Variants in LHFPL6 observed in about 807,000 individuals in gnomAD.
The protein encoded by LHFPL6 is LHFPL tetraspan subfamily member 6 protein.
Under a neutral mutation model 20.6 loss-of-function variants are expected in LHFPL6, and 9 were observed. The ratio of observed to expected loss-of-function variants is 0.44; its 90% CI spans 0.26 to 0.76. The LOEUF (loss-of-function observed/expected upper bound fraction) is 0.76, where lower values mean the gene tolerates loss of function less well. Ranked by LOEUF, LHFPL6 falls within the 30% of genes least tolerant of loss-of-function variation. LHFPL6 has a pLI of 0.20. For missense variants in LHFPL6, 218 were observed against 253.5 expected (o/e 0.86, Z 0.95); for synonymous variants, 105 against 98.7 (o/e 1.06, Z -0.38).
rs182362175 is a variant in LHFPL6, at chr13:39,546,650, G to A, written c.385+54182C>T. On this transcript the variant is annotated intron_variant, in intron 2 of 3. Transcript: ENST00000379589. ...TACAGCCAGAGACCCAGACACGAGAGCCAGCAATCAGGGTCACCCTTGACT... is the reference window on the plus strand; with the variant it reads ...TACAGCCAGAGACCCAGACACGAGAACCAGCAATCAGGGTCACCCTTGACT... Among the ~76,000 whole-genome samples, 375 of 152,202 alleles carry A rather than the reference G, an allele frequency of 2.5e-3. 1 individual carries two copies. The highest frequency in any genetic ancestry group is 3.4e-3 in the Non-Finnish European group (233 of 68,028).
chr13:39,562,541 C>CATATACAT (rs1871550913), intron 2 of LHFPL6, among the ~76,000 whole-genome samples: 1 of 128,162 alleles, frequency 7.8e-6, no homozygotes, highest in Non-Finnish European at 1.8e-5. Flanking sequence ...CATATATACA[C>CATATACAT]ATATACATAT....
intron 2 of LHFPL6, among the ~76,000 whole-genome samples, chr13:39,551,439 C>G (rs896309366): frequency 1.3e-5 from 2 of 151,408 alleles, no homozygotes; most frequent in Non-Finnish European, 2.9e-5. Context: ...GCCCCACCTC[C>G]CAACACTGTT....
chr13:39,575,813 A>G (rs1201258752), intron 2 of LHFPL6, among the ~76,000 whole-genome samples: 1 of 152,192 alleles, frequency 6.6e-6, no homozygotes, highest in Non-Finnish European at 1.5e-5. Flanking sequence ...ACCACAGGAC[A>G]GCCCTGGTGC....
chr13:39,369,073 CTT>C (rs557427745), intron 3 of LHFPL6, among the ~76,000 whole-genome samples: 1 of 136,314 alleles, frequency 7.3e-6, no homozygotes. Context: ...TCAGGTACGT[CTT>C]TTTTTTTTTA....
At chr13:39,418,401 T>TTTTTTTC (rs199555981) in intron 2 of LHFPL6, among the ~76,000 whole-genome samples, 1 of 145,358 alleles carries the variant, frequency 6.9e-6, no homozygotes, top group African/African-American at 2.6e-5. Context: ...TTTTTTTTTT[T>TTTTTTTC]CCAGAATGCC....
chr13:39,415,181 A>G (rs780869444), intron 2 of LHFPL6, among the ~76,000 whole-genome samples: 5 of 152,220 alleles, frequency 3.3e-5, no homozygotes, highest in Non-Finnish European at 7.3e-5. Context: ...GAAAAATACC[A>G]TGACTGAGCT....
intron 3 of LHFPL6, among the ~76,000 whole-genome samples, chr13:39,348,267 G>A (rs899665825): frequency 4.6e-5 from 7 of 151,974 alleles, no homozygotes; most frequent in East Asian, 1.9e-4. Flanking sequence ...GCTTCTGTTC[G>A]TGCTTTGCTC....
intron 2 of LHFPL6, among the ~76,000 whole-genome samples, chr13:39,453,755 G>T (rs976437366): frequency 6.6e-6 from 1 of 152,182 alleles, no homozygotes; most frequent in Non-Finnish European, 1.5e-5. Flanking sequence ...TAACTCAACA[G>T]CATGGGTGTG....
At chr13:39,435,922 T>G (rs547195171) in intron 2 of LHFPL6, among the ~76,000 whole-genome samples, 2 of 152,200 alleles carry the variant, frequency 1.3e-5, no homozygotes, top group African/African-American at 4.8e-5. Context: ...AAAGAAGTGA[T>G]GTTCACAAAA....
chr13:39,543,257 C>G (rs1265789740), intron 2 of LHFPL6, among the ~76,000 whole-genome samples: 2 of 152,198 alleles, frequency 1.3e-5, no homozygotes, highest in South Asian at 4.1e-4. Flanking sequence ...GCCATTCACT[C>G]TTTCCTATTT....
intron 2 of LHFPL6, among the ~76,000 whole-genome samples, chr13:39,468,191 T>C (rs146342653): frequency 8.0e-4 from 122 of 152,360 alleles, no homozygotes; most frequent in African/African-American, 2.6e-3. Context: ...TGTAAACCCA[T>C]TGTGATCTGT....
chr13:39,369,977 T>C, intron 3 of LHFPL6, among the ~76,000 whole-genome samples: 2 of 152,264 alleles, frequency 1.3e-5, no homozygotes, highest in Admixed American at 1.3e-4. Flanking sequence ...AATAGAAATG[T>C]TCTGGCTCTG....
At chr13:39,413,167 G>A (rs1190004740) in intron 2 of LHFPL6, among the ~76,000 whole-genome samples, 2 of 152,066 alleles carry the variant, frequency 1.3e-5, no homozygotes, top group Admixed American at 1.3e-4. Flanking sequence ...TTTCAAAAGA[G>A]GGAGAGATGA....
At chr13:39,407,966 T>G (rs17229842) in intron 2 of LHFPL6, among the ~76,000 whole-genome samples, 10,156 of 152,246 alleles carry the variant, frequency 0.067, 391 homozygotes, top group Middle Eastern at 0.085. Context: ...TGGGACACAG[T>G]GTTCAACGCT....
chr13:39,414,469 G>A (rs1871302169), intron 2 of LHFPL6, among the ~76,000 whole-genome samples: 1 of 152,084 alleles, frequency 6.6e-6, no homozygotes, highest in African/African-American at 2.4e-5. Flanking sequence ...TATGCTTCAG[G>A]GCATGTGTTT....
chr13:39,590,843 T>C (rs1872570998), intron 2 of LHFPL6, among the ~76,000 whole-genome samples: 1 of 152,194 alleles, frequency 6.6e-6, no homozygotes, highest in African/African-American at 2.4e-5. Context: ...TTTCACAAGA[T>C]AGGTCAACAA....
At chr13:39,391,110 T>C (rs923588600) in intron 2 of LHFPL6, among the ~76,000 whole-genome samples, 18 of 152,370 alleles carry the variant, frequency 1.2e-4, no homozygotes, top group African/African-American at 3.6e-4. Flanking sequence ...TGCCTTGATA[T>C]AGCACATTTC....
At chr13:39,380,111 G>T (rs1015295266) in intron 2 of LHFPL6, among the ~76,000 whole-genome samples, 1 of 152,148 alleles carries the variant, frequency 6.6e-6, no homozygotes, top group African/African-American at 2.4e-5. Flanking sequence ...ATTAAGTAAA[G>T]AAATTATTAA....
chr13:39,499,008 G>A (rs1869199246), intron 2 of LHFPL6, among the ~76,000 whole-genome samples: 2 of 152,080 alleles, frequency 1.3e-5, no homozygotes, highest in East Asian at 1.9e-4. Context: ...TTACAGGAGC[G>A]CACCACCACG....
Sources: gnomAD v4.1 joint callset for allele counts (sites outside exome capture counted in the v4.1 genomes callset) on GRCh38, gnomAD v4.1.1 for gene constraint, MANE v1.5 for transcripts, NCBI Gene and HGNC (gene_info 2026-07-23, HGNC 2026-07-21) for gene names.